Variants in LAYN observed in about 807,000 individuals in gnomAD.
The protein encoded by LAYN is layilin.
A neutral mutation model predicts 43.6 loss-of-function variants in LAYN; 38 were observed. The ratio of observed to expected loss-of-function variants is 0.87; its 90% CI spans 0.67 to 1.14. LAYN has a LOEUF of 1.14. LAYN is among the 50% of genes most tolerant of loss of function. The pLI is 0.00. For missense variants in LAYN, 479 were observed against 463.8 expected (o/e 1.03, Z -0.30); for synonymous variants, 168 against 172.9 (o/e 0.97, Z 0.22).
At chr11:111,549,544 A>C in intron 2 of LAYN, 74 bp from the exon 3 acceptor site, 6 of 1,278,370 alleles carry the variant, frequency 4.7e-6, no homozygotes, top group Non-Finnish European at 6.3e-6. Context: ...GTGAGACTTG[A>C]CGGGAAAACA....
intron 6 of LAYN, among the ~76,000 whole-genome samples, chr11:111,558,215 A>G (rs1326452770): frequency 6.7e-6 from 1 of 149,736 alleles, no homozygotes; most frequent in Non-Finnish European, 1.5e-5. Flanking sequence ...ATTTTATTTT[A>G]TTTTATTTTT....
chr11:111,552,112 G>A (rs1162885439), intron 3 of LAYN, among the ~76,000 whole-genome samples: 2 of 152,046 alleles, frequency 1.3e-5, no homozygotes, highest in Non-Finnish European at 2.9e-5. Flanking sequence ...GAATAATTAA[G>A]TAAATGAAAT....
chr11:111,541,163 C>G (rs911905325), intron 1 of LAYN, among the ~76,000 whole-genome samples: 2 of 152,244 alleles, frequency 1.3e-5, no homozygotes, highest in Admixed American at 6.5e-5. Context: ...GCTCGAAGCC[C>G]GTTCCCAGTC....
At position 111,545,014 on chromosome 11, in the gene LAYN, C is replaced by A. The variant is rs570275375; in HGVS notation, c.383+794C>A. On this transcript the variant is annotated intron_variant, in intron 2 of 6. Transcript: ENST00000375614. ...AAGAATGAAGATTTTAAAATATATT[C>A]TTTAACATATACCTACTATGTACCC... is the stretch of plus-strand genomic sequence containing the variant. 1.6e-3 allele frequency among the ~76,000 whole-genome samples: 242 copies of A among 150,902 alleles called. 2 individuals carry two copies. The highest frequency in any genetic ancestry group is 5.7e-3 in the African/African-American group (233 of 41,052).
chr11:111,557,840 C>A (rs1019154083), intron 6 of LAYN, among the ~76,000 whole-genome samples, 197 bp downstream of exon 6: 6 of 152,148 alleles, frequency 3.9e-5, no homozygotes, highest in Admixed American at 3.3e-4. Context: ...AGAGAGTGAT[C>A]TTACTTGCTT....
chr11:111,541,952 C>G (rs11213936), intron 1 of LAYN, among the ~76,000 whole-genome samples: 14,334 of 152,206 alleles, frequency 0.094, 858 homozygotes, highest in Non-Finnish European at 0.14. Flanking sequence ...GCCCGCGGGC[C>G]TCCTTCCAGC....
intron 6 of LAYN, among the ~76,000 whole-genome samples, chr11:111,558,783 A>AATATAT (rs1555018586): frequency 7.0e-6 from 1 of 143,134 alleles, no homozygotes; most frequent in South Asian, 2.2e-4. Flanking sequence ...TATTTAAAAA[A>AATATAT]ATATATATAT....
At chr11:111,551,828 A>G (rs1467387002) in intron 3 of LAYN, among the ~76,000 whole-genome samples, 2 of 152,230 alleles carry the variant, frequency 1.3e-5, no homozygotes, top group Admixed American at 6.5e-5. Context: ...GAATCTGAAT[A>G]AGATCAGTAG....
intron 5 of LAYN, among the ~76,000 whole-genome samples, chr11:111,555,749 G>T (rs1271734765): frequency 1.3e-5 from 2 of 152,164 alleles, no homozygotes; most frequent in Non-Finnish European, 2.9e-5. Context: ...GAGTGCTAAT[G>T]GATTTCAAAC....
Position 111,560,315 on chromosome 11 carries a change from G to A in LAYN, c.982G>A (p.Val328Met). 4.3e-6 allele frequency: 7 copies of A among 1,614,228 alleles called. No homozygotes were observed. Among genetic ancestry groups the A allele is most frequent in the Non-Finnish European group, 5.9e-6 (7 of 1,180,034 alleles). Residue 328 changes from valine to methionine, a missense_variant, in exon 7 of 7, where the codon GTG becomes ATG. Val to Met is a conservative substitution (Grantham distance 21, BLOSUM62 1). Transcript: ENST00000375614. ...GTCTTGTGACTATGACAACATGGCT[G>A]TGAACCCATCAGAAAGTGGGTTTGT... ...DMSCDYDNMAVNPSESGFVTL... is the reference protein window; with the variant it reads ...DMSCDYDNMAMNPSESGFVTL...
rs577971700 is a variant in LAYN at position 111,561,555 on chromosome 11, C to A, written c.*1097C>A. On this transcript the variant is annotated 3_prime_UTR_variant, in exon 7 of 7. Transcript: ENST00000375614. The stretch of plus-strand genomic sequence containing the variant: ...TCATTGTTTCAATTGTGTTTGGCCT[C>A]AAATTCAGAGAAAAGTTTCTCAGCC... The A allele has an allele frequency of 1.3e-5, 2 of 152,290 alleles. No homozygotes were observed. The highest frequency in any genetic ancestry group is 4.8e-5 in the African/African-American group (2 of 41,560). 9.4% of individuals were successfully genotyped at this position (152,290 alleles called of 1,614,324 possible).
chr11:111,555,109 A>G (rs1219792330), intron 4 of LAYN, 98 bp from the exon 5 acceptor site: 2 of 888,954 alleles, frequency 2.2e-6, no homozygotes, highest in Non-Finnish European at 3.6e-6. Flanking sequence ...CAAAATTTCT[A>G]CAGCTTTTTT....
chr11:111,560,537 C>T lies in LAYN; in HGVS notation c.*79C>T. On this transcript the variant is annotated 3_prime_UTR_variant, in exon 7 of 7. Transcript: ENST00000375614. ...CCTCTTATTTTCTATAAGGAAAATACACAGAAGGTCTATGAACAAGCTTAG... is the reference window on the plus strand; with the variant it reads ...CCTCTTATTTTCTATAAGGAAAATATACAGAAGGTCTATGAACAAGCTTAG... 1 of 1,422,318 alleles carries T rather than the reference C, an allele frequency of 7.0e-7. No homozygotes were observed. Among genetic ancestry groups the T allele is most frequent in the East Asian group, 2.4e-5 (1 of 42,120 alleles). The allele number at this position is 1,422,318 out of a possible 1,614,324, so 88.1% of individuals were successfully genotyped here. A position where few individuals can be genotyped will look rare whatever the true frequency, so the allele number is the denominator to read the frequency against.
At chr11:111,555,604 T>G (rs1867824579) in intron 5 of LAYN, among the ~76,000 whole-genome samples, 1 of 152,084 alleles carries the variant, frequency 6.6e-6, no homozygotes. Context: ...TGTAGAGAAA[T>G]AAGAGCAGAA....
At chr11:111,540,713 G>A (rs1867513445), upstream of LAYN, 5 of 849,756 alleles carry the variant, frequency 5.9e-6, no homozygotes, top group South Asian at 2.0e-5. Context: ...CCTCCCCCCC[G>A]CCTCCCGTGC....
At chr11:111,541,687 G>C (rs1867543110) in intron 1 of LAYN, 1 of 990,568 alleles carries the variant, frequency 1.0e-6, no homozygotes, top group Admixed American at 2.0e-5. Context: ...CCAACAGCTT[G>C]ACCAAACGGG....
intron 2 of LAYN, among the ~76,000 whole-genome samples, chr11:111,544,913 A>G (rs759985024): frequency 3.3e-5 from 5 of 152,122 alleles, no homozygotes; most frequent in Admixed American, 6.5e-5. Context: ...AAGAGACAAA[A>G]GACCTGAGCA....
At chr11:111,545,105 T>TCAG (rs1332356502) in intron 2 of LAYN, among the ~76,000 whole-genome samples, 2 of 151,648 alleles carry the variant, frequency 1.3e-5, no homozygotes, top group African/African-American at 4.8e-5. Flanking sequence ...AGGCAGCACA[T>TCAG]CAGCATCTAT....
At chr11:111,550,399 G>A (rs1284457040) in intron 3 of LAYN, among the ~76,000 whole-genome samples, 3 of 152,198 alleles carry the variant, frequency 2.0e-5, no homozygotes, top group Non-Finnish European at 4.4e-5. Flanking sequence ...GGGTTTCCCA[G>A]ACTTCTCCAT....
Sources: gnomAD v4.1 joint callset for allele counts (sites outside exome capture counted in the v4.1 genomes callset) on GRCh38, gnomAD v4.1.1 for gene constraint, MANE v1.5 for transcripts, NCBI Gene and HGNC (gene_info 2026-07-23, HGNC 2026-07-21) for gene names.